Variants in EVI5 observed in about 807,000 individuals in gnomAD.
EVI5 encodes the protein ecotropic viral integration site 5 protein homolog.
EVI5 carries 73 observed loss-of-function variants against 112.0 expected under a neutral mutation model. The ratio of observed to expected loss-of-function variants is 0.65; its 90% CI spans 0.54 to 0.79. EVI5 has a LOEUF of 0.79. Ranked by LOEUF, EVI5 falls within the 30% of genes least tolerant of loss-of-function variation. The probability of loss-of-function intolerance (pLI) is 0.00; values close to 1 mark genes in which losing one functional copy is unlikely to be tolerated. For synonymous variants in EVI5, 305 were observed against 319.9 expected (o/e 0.95, Z 0.50); for missense variants, 900 against 968.8 (o/e 0.93, Z 0.94).
intron 18 of EVI5, among the ~76,000 whole-genome samples, chr1:92,572,204 T>C (rs556782317): frequency 2.8e-4 from 42 of 152,258 alleles, no homozygotes; most frequent in African/African-American, 9.1e-4. Flanking sequence ...ATTAATGATA[T>C]GCATATTTAA....
intron 16 of EVI5, among the ~76,000 whole-genome samples, chr1:92,619,116 T>C (rs2101721977): frequency 6.6e-6 from 1 of 152,276 alleles, no homozygotes; most frequent in South Asian, 2.1e-4. Context: ...CCAAGATCAA[T>C]ACAAAGTACT....
chr1:92,683,266 C>A (rs1667906210), intron 9 of EVI5, among the ~76,000 whole-genome samples: 1 of 152,154 alleles, frequency 6.6e-6, no homozygotes, highest in African/African-American at 2.4e-5. Flanking sequence ...GATACCCATG[C>A]AAACAGGGTC....
intron 1 of EVI5, among the ~76,000 whole-genome samples, chr1:92,744,298 G>A (rs1024328492): frequency 1.3e-5 from 2 of 152,112 alleles, no homozygotes; most frequent in African/African-American, 4.8e-5. Flanking sequence ...GTTGGATGAA[G>A]CAGTCTATAT....
At chr1:92,624,037 T>C (rs1655122869) in intron 16 of EVI5, 139 bp downstream of exon 16, 1 of 673,504 alleles carries the variant, frequency 1.5e-6, no homozygotes, top group African/African-American at 1.8e-5. Context: ...TTTGCCATCT[T>C]CATTTGGGCT....
intron 1 of EVI5, among the ~76,000 whole-genome samples, chr1:92,762,453 C>T (rs1202650532): frequency 1.3e-5 from 2 of 152,186 alleles, no homozygotes; most frequent in Non-Finnish European, 2.9e-5. Flanking sequence ...CCCAAGATCC[C>T]TTAGCTAATT....
intron 16 of EVI5, among the ~76,000 whole-genome samples, chr1:92,623,269 T>G (rs886123912): frequency 2.6e-5 from 4 of 152,162 alleles, no homozygotes; most frequent in African/African-American, 7.2e-5. Context: ...GAAAATAACT[T>G]TGAACAATGT....
rs931118465 is a variant in EVI5 at position 92,706,907 on chromosome 1, C to T, written c.150-2163G>A. ...AAAATACAGGAAAACCATGGCCGGG[C>T]GTGGTGGCTCATGCCTGTAATCCCA... On this transcript the variant is annotated intron_variant, in intron 2 of 19. Transcript: ENST00000684568. Among the ~76,000 whole-genome samples, 5 of 152,158 alleles carry T rather than the reference C, an allele frequency of 3.3e-5. No individual in the cohort carries two copies. In the South Asian group the frequency reaches 6.2e-4, roughly 19 times the overall value.
chr1:92,605,315 C>G lies in EVI5; in HGVS notation c.2062G>C (p.Glu688Gln), dbSNP rs1571845941. The change falls in exon 18 of 20, where the codon GAA becomes CAA. Residue 688 changes from glutamate (E) to glutamine (Q), a missense_variant. Coordinates refer to ENST00000684568, the MANE Select transcript of EVI5 (RefSeq NM_001350197.2). ...TTATTTTCATATGGTACCTGGATTT[C>G]AAGCTCAGCAATGTGTTGTCGTAGT... Reference protein sequence around the residue: ...AELRQHIAELEIQKEEGKLQG... With the variant: ...AELRQHIAELQIQKEEGKLQG... 1.2e-6 allele frequency: 2 copies of G among 1,607,288 alleles called. No homozygotes were observed. The highest frequency in any genetic ancestry group is 4.5e-5 in the East Asian group (2 of 44,836).
intron 2 of EVI5, among the ~76,000 whole-genome samples, chr1:92,721,249 T>A (rs556049313): frequency 3.9e-5 from 6 of 152,346 alleles, no homozygotes; most frequent in Non-Finnish European, 7.3e-5. Context: ...GCGGCACTAT[T>A]CACAATAGCA....
intron 14 of EVI5, among the ~76,000 whole-genome samples, chr1:92,633,098 G>A (rs371706148): frequency 7.9e-5 from 12 of 152,276 alleles, no homozygotes; most frequent in East Asian, 5.8e-4. Context: ...TTCCAACTAC[G>A]TGGTCAATTT....
intron 10 of EVI5, 148 bp downstream of exon 10, chr1:92,677,010 T>C (rs2102317269): frequency 3.4e-6 from 2 of 579,962 alleles, no homozygotes; most frequent in Non-Finnish European, 3.0e-6. Flanking sequence ...AGTCGCATTA[T>C]TCTGCTTTTT....
At chr1:92,733,655 G>A (rs529149338) in intron 2 of EVI5, among the ~76,000 whole-genome samples, 5 of 151,782 alleles carry the variant, frequency 3.3e-5, no homozygotes, top group Admixed American at 1.3e-4. Context: ...TGGGCAATCC[G>A]CCCACCTCAG....
chr1:92,723,926 G>T (rs987964393), intron 2 of EVI5, among the ~76,000 whole-genome samples: 1 of 152,108 alleles, frequency 6.6e-6, no homozygotes, highest in Non-Finnish European at 1.5e-5. Context: ...ACTGAAATAC[G>T]CCCTGGTCTC....
At chr1:92,693,537 A>C (rs770061433) in intron 9 of EVI5, among the ~76,000 whole-genome samples, 22 of 152,202 alleles carry the variant, frequency 1.4e-4, no homozygotes, top group Non-Finnish European at 2.8e-4. Flanking sequence ...GTGGTTTTAA[A>C]AATAACAGCA....
chr1:92,686,726 T>C (rs1198589702), intron 9 of EVI5, among the ~76,000 whole-genome samples: 2 of 152,134 alleles, frequency 1.3e-5, no homozygotes, highest in African/African-American at 4.8e-5. Context: ...TGTGCAAAAA[T>C]CACAAGTATT....
intron 9 of EVI5, among the ~76,000 whole-genome samples, chr1:92,684,661 T>C (rs892647804): frequency 6.6e-6 from 1 of 151,594 alleles, no homozygotes; most frequent in African/African-American, 2.4e-5. Flanking sequence ...GAGACCCACC[T>C]CACGTGCAAA....
intron 14 of EVI5, among the ~76,000 whole-genome samples, chr1:92,629,459 A>G (rs1261751685): frequency 2.0e-5 from 3 of 152,176 alleles, no homozygotes; most frequent in Non-Finnish European, 4.4e-5. Context: ...GTAATCTAGA[A>G]CTTTTAAATC....
At chr1:92,518,056 CCTGGAAA>C (rs1301440015) in intron 19 of EVI5, among the ~76,000 whole-genome samples, 1 of 151,926 alleles carries the variant, frequency 6.6e-6, no homozygotes, top group Non-Finnish European at 1.5e-5. Flanking sequence ...TGGCACCACA[CCTGGAAA>C]ACTTTTGTAT....
chr1:92,555,845 T>G (rs1312110632), intron 19 of EVI5, among the ~76,000 whole-genome samples: 1 of 63,294 alleles, frequency 1.6e-5, no homozygotes, highest in Non-Finnish European at 2.9e-5. Context: ...GTGAAACTCG[T>G]CTCAAAAAAA....
Sources: gnomAD v4.1 joint callset for allele counts (sites outside exome capture counted in the v4.1 genomes callset) on GRCh38, gnomAD v4.1.1 for gene constraint, MANE v1.5 for transcripts, NCBI Gene and HGNC (gene_info 2026-07-23, HGNC 2026-07-21) for gene names.